Variants in KALRN observed in about 807,000 individuals in gnomAD.
KALRN encodes kalirin.
Under a neutral mutation model 353.7 loss-of-function variants are expected in KALRN, and 70 were observed. That is an observed-to-expected ratio of 0.20 (90% confidence interval 0.16 to 0.24). The LOEUF is 0.24. Ranked by LOEUF, KALRN falls within the 10% of genes least tolerant of loss-of-function variation. KALRN has a pLI of 1.00. For missense variants in KALRN, 2,791 were observed against 3,756.7 expected (o/e 0.74, Z 6.72); for synonymous variants, 1,391 against 1,434.8 (o/e 0.97, Z 0.69).
chr3:124,586,946 C>A (rs999916701), intron 34 of KALRN, among the ~76,000 whole-genome samples: 1 of 152,112 alleles, frequency 6.6e-6, no homozygotes, highest in African/African-American at 2.4e-5. Flanking sequence ...TCACTCTAAC[C>A]GAAAACAGTC....
At position 124,515,438 on chromosome 3, in the gene KALRN, T is replaced by C. The variant is rs73189507; in HGVS notation, c.4935+19025T>C. ...GCCAAAGACAAGTGCTTCTGGACAA[T>C]GTGTGCTGGAAAATGTGAAAATGTG... On this transcript the variant is annotated intron_variant, in intron 33 of 59. Coordinates refer to ENST00000682506, the MANE Select transcript of KALRN (RefSeq NM_001388419.1). 3.2e-3 allele frequency among the ~76,000 whole-genome samples: 486 copies of C among 152,320 alleles called. 2 individuals are homozygous for C. Among genetic ancestry groups the C allele is most frequent in the Non-Finnish European group, 5.4e-3 (366 of 68,030 alleles).
In KALRN at chr3:124,496,379, C is replaced by G. The variant is rs2063850980; in HGVS notation, c.4901C>G (p.Ser1634Cys). 6 of 1,613,362 alleles carry G rather than the reference C, an allele frequency of 3.7e-6. No individual in the cohort carries two copies. Among genetic ancestry groups the G allele is most frequent in the Non-Finnish European group, 5.1e-6 (6 of 1,179,684 alleles). The change falls in exon 33 of 60, where the codon TCT becomes TGT. Residue 1634 changes from serine to cysteine, a missense_variant. This residue lies in a region of KALRN where 239 missense variants were observed against 351.3 expected (regional missense o/e 0.68). Transcript: ENST00000682506. ...SSQPDTISIA[S>C]RTSQNTVDSD... is the part of the protein sequence containing the mutation. ...CAACCAGACACCATCTCCATTGCTT[C>G]TAGGACCTCTCAGAACACAGTGGAC... is the stretch of plus-strand genomic sequence containing the variant.
At chr3:124,273,672 T>G (rs1025446701) in intron 5 of KALRN, among the ~76,000 whole-genome samples, 3 of 152,238 alleles carry the variant, frequency 2.0e-5, no homozygotes, top group Non-Finnish European at 2.9e-5. Context: ...ACAGCCTCTG[T>G]GCTTGGAGAA....
intron 1 of KALRN, among the ~76,000 whole-genome samples, chr3:124,109,806 C>T (rs1482447821): frequency 1.4e-3 from 14 of 10,340 alleles, no homozygotes; most frequent in African/African-American, 6.7e-3. Flanking sequence ...ATATATATGA[C>T]ATATATATCA....
chr3:124,138,952 G>A (rs2066282932), intron 1 of KALRN, among the ~76,000 whole-genome samples: 1 of 152,178 alleles, frequency 6.6e-6, no homozygotes, highest in African/African-American at 2.4e-5. Flanking sequence ...TATGTATCAT[G>A]GCGCATATAA....
chr3:124,039,291 G>A (rs1019294354), intron 1 of KALRN, among the ~76,000 whole-genome samples: 1 of 152,152 alleles, frequency 6.6e-6, no homozygotes, highest in Non-Finnish European at 1.5e-5. Context: ...AGCTTTCACA[G>A]CTCACGATGA....
rs150533301 is a variant in KALRN at position 124,474,631 on chromosome 3, G to A, written c.4032-32G>A. The A allele has an allele frequency of 4.8e-4, 758 of 1,583,512 alleles. 22 individuals are homozygous for A. The East Asian group carries it at 0.017, about 35-fold the overall frequency. ...CCTCTGGGGGGTCAGCTGCACAGAG[G>A]TGTCTGATTCAGTCTTTTTCTCCTC... On this transcript the variant is annotated intron_variant, in intron 25 of 59. Coordinates refer to ENST00000682506, the MANE Select transcript of KALRN (RefSeq NM_001388419.1).
chr3:124,213,485 C>T (rs1361650666), intron 1 of KALRN, among the ~76,000 whole-genome samples: 1 of 152,040 alleles, frequency 6.6e-6, no homozygotes, highest in Non-Finnish European at 1.5e-5. Flanking sequence ...AGGGCAAGCC[C>T]AACCCATTAT....
chr3:124,174,653 G>C (rs1177140322), intron 1 of KALRN, among the ~76,000 whole-genome samples: 1 of 152,202 alleles, frequency 6.6e-6, no homozygotes, highest in Non-Finnish European at 1.5e-5. Flanking sequence ...GAGGGCATAA[G>C]TGCAGGATTC....
intron 1 of KALRN, among the ~76,000 whole-genome samples, chr3:124,187,928 C>A (rs2074421962): frequency 6.6e-6 from 1 of 152,098 alleles, no homozygotes; most frequent in Non-Finnish European, 1.5e-5. Flanking sequence ...TGGTTACTGT[C>A]CCAGTAGGGT....
chr3:124,471,713 C>T (rs565278676), intron 25 of KALRN, among the ~76,000 whole-genome samples: 26 of 152,066 alleles, frequency 1.7e-4, no homozygotes, highest in South Asian at 1.2e-3. Flanking sequence ...CTTCATTTTC[C>T]AGCACTTTGG....
chr3:124,159,664 A>G (rs1384271183), intron 1 of KALRN, among the ~76,000 whole-genome samples: 1 of 150,486 alleles, frequency 6.6e-6, no homozygotes, highest in Non-Finnish European at 1.5e-5. Context: ...GCAGTAGCCC[A>G]TTTCTCTGAT....
At chr3:124,598,830 C>T (rs912958947) in intron 34 of KALRN, among the ~76,000 whole-genome samples, 1 of 152,182 alleles carries the variant, frequency 6.6e-6, no homozygotes, top group Non-Finnish European at 1.5e-5. Flanking sequence ...TAGCACGCCA[C>T]TACGCCTAGC....
At chr3:124,580,801 C>T (rs1412664365) in intron 34 of KALRN, among the ~76,000 whole-genome samples, 5 of 151,956 alleles carry the variant, frequency 3.3e-5, no homozygotes, top group African/African-American at 7.3e-5. Context: ...GTTAGTGTCC[C>T]CATGTTGTTT....
intron 1 of KALRN, among the ~76,000 whole-genome samples, chr3:124,132,117 A>T (rs969418624): frequency 6.6e-6 from 1 of 152,186 alleles, no homozygotes; most frequent in Non-Finnish European, 1.5e-5. Flanking sequence ...CTAACAAACA[A>T]TATCCATTAT....
chr3:124,686,524 A>G (rs2061564567), intron 51 of KALRN, among the ~76,000 whole-genome samples: 1 of 152,114 alleles, frequency 6.6e-6, no homozygotes, highest in African/African-American at 2.4e-5. Context: ...GTGAGGAGAG[A>G]GCATGAACAA....
intron 28 of KALRN, 46 bp downstream of exon 28, chr3:124,482,946 G>A: frequency 7.8e-7 from 1 of 1,286,606 alleles, no homozygotes; most frequent in Non-Finnish European, 1.1e-6. Flanking sequence ...CTACTGCCTG[G>A]GGCAAGGGAG....
chr3:124,121,725 G>C (rs939912209), intron 1 of KALRN, among the ~76,000 whole-genome samples: 1 of 152,204 alleles, frequency 6.6e-6, no homozygotes, highest in Non-Finnish European at 1.5e-5. Context: ...CAAAGAGGCT[G>C]TGGATTGGAA....
In KALRN at chr3:124,384,855, C is replaced by T. The variant is rs1658158752; in HGVS notation, c.1781C>T (p.Thr594Ile). The T allele has an allele frequency of 1.2e-6, 2 of 1,600,410 alleles. No homozygotes were observed. Among genetic ancestry groups the T allele is most frequent in the Admixed American group, 1.7e-5 (1 of 59,126 alleles). Reference protein sequence around the residue: ...DFEEVAQNTYTNADKLLEAAE... With the variant: ...DFEEVAQNTYINADKLLEAAE... ...TGTTGTTGCTGGCAGAATACGTACACCAATGCGGACAAGCTCCTAGAAGCA... is the reference window on the plus strand; with the variant it reads ...TGTTGTTGCTGGCAGAATACGTACATCAATGCGGACAAGCTCCTAGAAGCA... Residue 594 changes from threonine (T) to isoleucine (I), a missense_variant, in exon 11 of 60, where the codon ACC (threonine) becomes ATC (isoleucine). Physicochemically the swap from Thr to Ile is moderately conservative, Grantham distance 89 (BLOSUM62 -1). This residue lies in a region of KALRN where 15 missense variants were observed against 54.6 expected (regional missense o/e 0.27). Transcript: ENST00000682506.
Sources: allele counts gnomAD v4.1 joint callset (sites outside exome capture counted in the v4.1 genomes callset), GRCh38; gene constraint gnomAD v4.1.1; regional missense constraint gnomAD v4.1.1; transcripts MANE v1.5; gene names NCBI Gene and HGNC (gene_info 2026-07-23, HGNC 2026-07-21).